The following ASH1L variants were observed in gnomAD, a reference collection of about 807,000 sequenced individuals.
ASH1L encodes histone-lysine N-methyltransferase ASH1L.
In ASH1L, 23 loss-of-function variants were observed where a neutral mutation model predicts 269.0. The observed-to-expected ratio is 0.09, with a 90% CI of 0.06 to 0.12. The LOEUF is 0.12. Among genes scored for constraint, ASH1L ranks in the 10% least tolerant of loss-of-function variants. The pLI is 1.00. For missense variants in ASH1L, 2,912 were observed against 3,567.8 expected, an observed-to-expected ratio of 0.82 and a Z score of 4.68; for synonymous variants, 1,187 against 1,253.5, an observed-to-expected ratio of 0.95 and a Z score of 1.12.
chr1:155,562,605 C>G lies in ASH1L; in HGVS notation c.-552G>C. 1 of 1,528,504 alleles carries G rather than the reference C, an allele frequency of 6.5e-7. No homozygotes were observed. The allele number at this position is 1,528,504 out of a possible 1,614,324, so 94.7% of individuals were successfully genotyped here. A position where few individuals can be genotyped will look rare whatever the true frequency, so the allele number is the denominator to read the frequency against. ...TCCGCGTAGCGCGCACGCCCGCCCGCACGCGTACGAGTGTCTACGGGCTCG... is the reference window on the plus strand; with the variant it reads ...TCCGCGTAGCGCGCACGCCCGCCCGGACGCGTACGAGTGTCTACGGGCTCG... On this transcript the variant is annotated 5_prime_UTR_variant, in exon 1 of 28. Coordinates refer to ENST00000392403, the MANE Select transcript of ASH1L (RefSeq NM_018489.3).
chr1:155,549,693 A>G (rs1460309640), intron 1 of ASH1L, among the ~76,000 whole-genome samples: 1 of 152,020 alleles, frequency 6.6e-6, no homozygotes, highest in Non-Finnish European at 1.5e-5. Context: ...GTAGTATACC[A>G]TTTTATATAA....
intron 1 of ASH1L, among the ~76,000 whole-genome samples, chr1:155,540,926 T>C (rs1421092800): frequency 6.6e-6 from 1 of 152,098 alleles, no homozygotes. Flanking sequence ...CATCTTTCCA[T>C]ATGACTACTT....
chr1:155,425,009 G>A (rs899227674), intron 5 of ASH1L, among the ~76,000 whole-genome samples: 3 of 151,598 alleles, frequency 2.0e-5, no homozygotes, highest in African/African-American at 4.8e-5. Flanking sequence ...CTTACTCTGT[G>A]GCCAGGCTGG....
At chr1:155,423,481 A>G (rs1198814504) in intron 5 of ASH1L, among the ~76,000 whole-genome samples, 2 of 151,804 alleles carry the variant, frequency 1.3e-5, no homozygotes, top group Admixed American at 1.3e-4. Context: ...ACGTCGGGGA[A>G]TTGCTGGAAC....
chr1:155,454,071 C>T (rs2148661322), intron 4 of ASH1L, among the ~76,000 whole-genome samples: 1 of 152,340 alleles, frequency 6.6e-6, no homozygotes, highest in Middle Eastern at 3.4e-3. Flanking sequence ...CACCACTGCA[C>T]TCCAGCCTGA....
intron 2 of ASH1L, among the ~76,000 whole-genome samples, chr1:155,484,513 C>A (rs1489339076): frequency 6.6e-6 from 1 of 151,874 alleles, no homozygotes; most frequent in African/African-American, 2.4e-5. Flanking sequence ...AGAAATTCAT[C>A]TATTCAATAT....
intron 6 of ASH1L, among the ~76,000 whole-genome samples, chr1:155,406,857 C>G (rs1009204896): frequency 1.3e-5 from 2 of 151,924 alleles, no homozygotes; most frequent in Non-Finnish European, 2.9e-5. Flanking sequence ...CGGACAAAGG[C>G]AAATCTAATA....
At chr1:155,444,267 C>T (rs1303886552) in intron 4 of ASH1L, among the ~76,000 whole-genome samples, 1 of 152,068 alleles carries the variant, frequency 6.6e-6, no homozygotes, top group Non-Finnish European at 1.5e-5. Context: ...CAGGTGTGAG[C>T]CACTGCAACC....
chr1:155,452,687 T>G (rs1346369996), intron 4 of ASH1L, among the ~76,000 whole-genome samples: 1 of 151,978 alleles, frequency 6.6e-6, no homozygotes, highest in African/African-American at 2.4e-5. Flanking sequence ...CCCAAGTAGC[T>G]GGGACTACAG....
intron 17 of ASH1L, among the ~76,000 whole-genome samples, chr1:155,350,408 T>C (rs747429751): frequency 1.1e-3 from 167 of 152,232 alleles, no homozygotes; most frequent in Non-Finnish European, 2.0e-3. Context: ...AATTCTAAGA[T>C]TGTCTAGGAT....
chr1:155,338,250 C>G lies in ASH1L; in HGVS notation c.8642G>C (p.Arg2881Pro). 6.2e-7 allele frequency: 1 copy of G among 1,614,038 alleles called. No homozygotes were observed. The highest frequency in any genetic ancestry group is 8.5e-7 in the Non-Finnish European group (1 of 1,180,012). Residue 2881 changes from arginine (R) to proline (P), a missense_variant, in exon 27 of 28, where the codon CGG (arginine) becomes CCG (proline). By Grantham distance (103) the Arg-to-Pro change is moderately radical. Coordinates refer to ENST00000392403, the MANE Select transcript of ASH1L (RefSeq NM_018489.3). ...ACTGACGTTAGCAGTGGCCCCTTCC[C>G]GTTCTGGCTCCTCCAGGCTGGGTAT... Reference protein sequence around the residue: ...NEIPSLEEPEREGATANVSEG... With the variant: ...NEIPSLEEPEPEGATANVSEG...
rs1425361192 is a variant in ASH1L at position 155,415,747 on chromosome 1, G to C, written c.6005C>G (p.Thr2002Arg). The C allele has an allele frequency of 2.5e-6, 4 of 1,613,796 alleles. No homozygotes were observed. In the South Asian group the frequency reaches 4.4e-5, roughly 18 times the overall value. Reference sequence around the variant, plus strand: ...GCTAATAGGTACTACTACTTACTCTGTAGTTTTGTAAACGTCAGAATACAG... The same window carrying C: ...GCTAATAGGTACTACTACTTACTCTCTAGTTTTGTAAACGTCAGAATACAG... Reference protein sequence around the residue: ...AGLYSDVYKTTDPKSRLIQLK... With the variant: ...AGLYSDVYKTRDPKSRLIQLK... The change falls in exon 6 of 28, where the codon ACA becomes AGA. Residue 2002 changes from threonine (T) to arginine (R), a missense_variant. Thr to Arg is a moderately conservative substitution (Grantham distance 71). Coordinates refer to ENST00000392403, the MANE Select transcript of ASH1L (RefSeq NM_018489.3).
At chr1:155,502,297 C>T (rs1365852999) in intron 2 of ASH1L, among the ~76,000 whole-genome samples, 1 of 151,070 alleles carries the variant, frequency 6.6e-6, no homozygotes, top group African/African-American at 2.4e-5. Flanking sequence ...GTCTCGATCT[C>T]TTGATCTTGT....
chr1:155,492,138 T>C (rs1307933717), intron 2 of ASH1L, among the ~76,000 whole-genome samples: 1 of 149,958 alleles, frequency 6.7e-6, no homozygotes, highest in Non-Finnish European at 1.5e-5. Context: ...CAGGTTGAAG[T>C]GATTCTCCTG....
chr1:155,346,532 G>T lies in ASH1L; in HGVS notation c.7804-63C>A, dbSNP rs539789476. 1.2e-5 allele frequency: 17 copies of T among 1,433,032 alleles called. No homozygotes were observed. The South Asian group carries it at 1.9e-4, about 16-fold the overall frequency. 88.8% of individuals were successfully genotyped at this position (1,433,032 alleles called of 1,614,324 possible). On this transcript the variant is annotated intron_variant, in intron 20 of 27. Coordinates refer to ENST00000392403, the MANE Select transcript of ASH1L (RefSeq NM_018489.3). ...ATGACTTATTGAGAGTGTCCTGGGA[G>T]CCCAGAATAAAAAATTAGCAATAGG...
At chr1:155,500,690 T>A (rs1558170565) in intron 2 of ASH1L, among the ~76,000 whole-genome samples, 1 of 152,118 alleles carries the variant, frequency 6.6e-6, no homozygotes, top group East Asian at 1.9e-4. Context: ...GAGCCTAGAC[T>A]GGGCGTGGTG....
intron 3 of ASH1L, among the ~76,000 whole-genome samples, chr1:155,466,008 A>ACCCTAGGAACAGAG: frequency 6.6e-6 from 1 of 152,328 alleles, no homozygotes; most frequent in Non-Finnish European, 1.5e-5. Flanking sequence ...CACCAACTAA[A>ACCCTAGGAACAGAG]TGCACTACAA....
chr1:155,462,335 C>T (rs1015726358), intron 3 of ASH1L, among the ~76,000 whole-genome samples: 2 of 152,138 alleles, frequency 1.3e-5, no homozygotes, highest in African/African-American at 4.8e-5. Flanking sequence ...AGTTCTTAGG[C>T]TATTTGGTAG....
At chr1:155,538,512 C>T (rs1670208891) in intron 1 of ASH1L, among the ~76,000 whole-genome samples, 1 of 151,896 alleles carries the variant, frequency 6.6e-6, no homozygotes, top group African/African-American at 2.4e-5. Flanking sequence ...AACGCACCAC[C>T]ACATCCGGCT....
Sources: gnomAD v4.1 joint callset for allele counts (sites outside exome capture counted in the v4.1 genomes callset) on GRCh38, gnomAD v4.1.1 for gene constraint, MANE v1.5 for transcripts, NCBI Gene and HGNC (gene_info 2026-07-23, HGNC 2026-07-21) for gene names.